Variants in KCNK12 observed in about 807,000 individuals in gnomAD.
KCNK12 encodes the protein potassium channel subfamily K member 12.
KCNK12 carries 6 observed loss-of-function variants against 25.3 expected under a neutral mutation model. That is an observed-to-expected ratio of 0.24 (90% CI 0.13 to 0.47). The LOEUF (loss-of-function observed/expected upper bound fraction) is 0.47, where lower values mean the gene tolerates loss of function less well. Ranked by LOEUF, KCNK12 falls within the 20% of genes least tolerant of loss-of-function variation. KCNK12 has a pLI of 0.99. For missense variants in KCNK12, 444 were observed against 661.7 expected (o/e 0.67, Z 3.61); for synonymous variants, 331 against 311.1 (o/e 1.06, Z -0.67).
At chr2:47,527,203 C>G (rs1216131776) in intron 1 of KCNK12, among the ~76,000 whole-genome samples, 1 of 152,188 alleles carries the variant, frequency 6.6e-6, no homozygotes, top group African/African-American at 2.4e-5. Context: ...GGACCACAGC[C>G]AGGGGAGCAT....
chr2:47,570,242 C>G lies in KCNK12; in HGVS notation c.90G>C (p.Ser30=), dbSNP rs1409926109. 6.9e-6 allele frequency: 10 copies of G among 1,459,022 alleles called. No homozygotes were observed. The highest frequency in any genetic ancestry group is 9.0e-6 in the Non-Finnish European group (10 of 1,105,928). 90.4% of individuals were successfully genotyped at this position (1,459,022 alleles called of 1,614,324 possible). A position where few individuals can be genotyped will look rare whatever the true frequency, so the allele number is the denominator to read the frequency against. ...PSCCCCCCRR[S]HLNEDTGRFV... ...AGCGGCCGGTGTCCTCGTTGAGGTG[C>G]GAACGGCGGCAGCAGCAGCAGCAGC... is the stretch of plus-strand genomic sequence containing the variant. The change falls in exon 1 of 2, where the codon TCG becomes TCC. Residue 30 remains serine (S), a synonymous_variant. Coordinates refer to ENST00000327876, the MANE Select transcript of KCNK12 (RefSeq NM_022055.2).
In KCNK12 at chr2:47,560,256, G is replaced by T. The variant is rs898636690; in HGVS notation, c.391+9685C>A. 3.3e-5 allele frequency among the ~76,000 whole-genome samples: 5 copies of T among 152,220 alleles called. No homozygotes were observed. Among genetic ancestry groups the T allele is most frequent in the Admixed American group, 6.5e-5 (1 of 15,292 alleles). Reference sequence around the variant, plus strand: ...CGGTCCTCTTCAACAAGTTCCCAGAGTTCTGGTGAGCTCTGTGGGAAGCAC... The same window carrying T: ...CGGTCCTCTTCAACAAGTTCCCAGATTTCTGGTGAGCTCTGTGGGAAGCAC... On this transcript the variant is annotated intron_variant, in intron 1 of 1. Coordinates refer to ENST00000327876, the MANE Select transcript of KCNK12 (RefSeq NM_022055.2). This position sits in a 1 kb window ranked among gnomAD's most constrained non-coding sequence, Gnocchi z 4.7.
chr2:47,542,729 G>T (rs556516124), intron 1 of KCNK12, among the ~76,000 whole-genome samples: 2 of 152,224 alleles, frequency 1.3e-5, no homozygotes, highest in Non-Finnish European at 2.9e-5. Context: ...GAGTATCAAA[G>T]CCAGGTGAGA....
intron 1 of KCNK12, among the ~76,000 whole-genome samples, chr2:47,534,524 C>G (rs557053083): frequency 6.4e-4 from 82 of 127,844 alleles, no homozygotes; most frequent in Admixed American, 9.8e-4. Context: ...AACCCCCCCC[C>G]CCGCCCCCAC....
Position 47,525,580 on chromosome 2 carries a change from G to C in KCNK12, c.392-3772C>G, listed in dbSNP as rs1365101258. On this transcript the variant is annotated intron_variant, in intron 1 of 1. Coordinates refer to ENST00000327876, the MANE Select transcript of KCNK12 (RefSeq NM_022055.2). This position sits in a 1 kb window ranked among gnomAD's most constrained non-coding sequence, Gnocchi z 4.1. ...CCCAGGGGCCATCTGTACTTCAAGG[G>C]CTTGCTTCATCAGGAGATGTGAGGG... Among the ~76,000 whole-genome samples, 1 of 152,190 alleles carries C rather than the reference G, an allele frequency of 6.6e-6. No individual in the cohort carries two copies. Among genetic ancestry groups the C allele is most frequent in the African/African-American group, 2.4e-5 (1 of 41,450 alleles).
rs117513034 is a variant in KCNK12, at chr2:47,532,345, C to T, written c.392-10537G>A. On this transcript the variant is annotated intron_variant, in intron 1 of 1. Transcript: ENST00000327876. ...CAATAAATCTGTGCTTTTATTACTGCTTTTTTCTTTTTCTTTTTTTAAAGT... is the reference window on the plus strand; with the variant it reads ...CAATAAATCTGTGCTTTTATTACTGTTTTTTTCTTTTTCTTTTTTTAAAGT... Among the ~76,000 whole-genome samples, 887 of 151,974 alleles carry T rather than the reference C, an allele frequency of 5.8e-3. 23 individuals are homozygous for T. Among genetic ancestry groups the T allele is most frequent in the East Asian group, 0.041 (213 of 5,154 alleles).
At position 47,555,182 on chromosome 2, in the gene KCNK12, T is replaced by C. The variant is rs552691598; in HGVS notation, c.391+14759A>G. ...GAAGCTTAGTGTAGAAGATGGGTTA[T>C]TCATCAATAGATAAATGGGTTTAAA... On this transcript the variant is annotated intron_variant, in intron 1 of 1. Coordinates refer to ENST00000327876, the MANE Select transcript of KCNK12 (RefSeq NM_022055.2). The surrounding 1 kb of genome is among the most constrained non-coding windows in gnomAD (Gnocchi z 4.5). Among the ~76,000 whole-genome samples, 69 of 152,214 alleles carry C rather than the reference T, an allele frequency of 4.5e-4. No individual in the cohort carries two copies. Among genetic ancestry groups the C allele is most frequent in the Non-Finnish European group, 9.3e-4 (63 of 68,036 alleles).
chr2:47,559,162 G>T (rs1421492012), intron 1 of KCNK12, among the ~76,000 whole-genome samples: 2 of 152,184 alleles, frequency 1.3e-5, no homozygotes, highest in Non-Finnish European at 2.9e-5. Context: ...CCAGGGCAGG[G>T]TCAGGATAAG....
Position 47,521,711 on chromosome 2 carries a change from G to A in KCNK12, c.489C>T (p.Leu163=), listed in dbSNP as rs758388034. The A allele has an allele frequency of 4.4e-6, 7 of 1,600,842 alleles. No homozygotes were observed. Among genetic ancestry groups the A allele is most frequent in the Non-Finnish European group, 5.1e-6 (6 of 1,175,606 alleles). Reference sequence around the variant, plus strand: ...GCAGCGAGATGATGCGCTCCAGGAAGAGGTTGAAGAACAGGATGGTCCCAG... The same window carrying A: ...GCAGCGAGATGATGCGCTCCAGGAAAAGGTTGAAGAACAGGATGGTCCCAG... ...GCAGTILFFN[L]FLERIISLLA... is the part of the protein sequence containing the mutation. The change falls in exon 2 of 2, where the codon CTC becomes CTT. Residue 163 remains leucine, a synonymous_variant. Transcript: ENST00000327876.
Position 47,570,026 on chromosome 2 carries a change from G to C in KCNK12, c.306C>G (p.Ala102=), listed in dbSNP as rs1175391629. 3 of 1,422,824 alleles carry C rather than the reference G, an allele frequency of 2.1e-6. No homozygotes were observed. Among genetic ancestry groups the C allele is most frequent in the African/African-American group, 1.5e-5 (1 of 66,362 alleles). The allele number at this position is 1,422,824 out of a possible 1,614,324, so 88.1% of individuals were successfully genotyped here. Residue 102 remains alanine (A), a synonymous_variant, in exon 1 of 2, where the codon GCC becomes GCG. Coordinates refer to ENST00000327876, the MANE Select transcript of KCNK12 (RefSeq NM_022055.2). ...AFLRHYEAAL[A]AGVRADALRP... ...GCAGCGCGTCGGCGCGGACGCCGGC[G>C]GCCAGCGCGGCCTCGTAGTGCCGGA...
At chr2:47,553,519 G>A (rs941493693) in intron 1 of KCNK12, among the ~76,000 whole-genome samples, 1 of 152,116 alleles carries the variant, frequency 6.6e-6, no homozygotes. Flanking sequence ...AATGTTTGAG[G>A]TGAACAGCCA....
chr2:47,569,402 C>T lies in KCNK12; in HGVS notation c.391+539G>A, dbSNP rs1024558737. Among the ~76,000 whole-genome samples, 1 of 151,956 alleles carries T rather than the reference C, an allele frequency of 6.6e-6. No homozygotes were observed. Among genetic ancestry groups the T allele is most frequent in the Non-Finnish European group, 1.5e-5 (1 of 67,992 alleles). On this transcript the variant is annotated intron_variant, in intron 1 of 1. Coordinates refer to ENST00000327876, the MANE Select transcript of KCNK12 (RefSeq NM_022055.2). The surrounding 1 kb of genome is among the most constrained non-coding windows in gnomAD (Gnocchi z 4.1). ...GGGGCGGTATAGACTGTAGGAGAAG[C>T]AAGTGGGAAGGAGATGTAGGGAAAG...
rs1163273885 is a variant in KCNK12 at position 47,560,935 on chromosome 2, G to A, written c.391+9006C>T. Reference sequence around the variant, plus strand: ...GGCTTCTGCCTGGGAAGGGGGTCCCGGTGCTTCCTCCACCCACCAGGGAGT... The same window carrying A: ...GGCTTCTGCCTGGGAAGGGGGTCCCAGTGCTTCCTCCACCCACCAGGGAGT... On this transcript the variant is annotated intron_variant, in intron 1 of 1. Transcript: ENST00000327876. This position sits in a 1 kb window ranked among gnomAD's most constrained non-coding sequence, Gnocchi z 4.7. 1.3e-5 allele frequency among the ~76,000 whole-genome samples: 2 copies of A among 152,054 alleles called. No homozygotes were observed. The highest frequency in any genetic ancestry group is 3.9e-4 in the East Asian group (2 of 5,162).
Position 47,512,064 on chromosome 2 carries a change from G to T in KCNK12, c.*8843C>A, listed in dbSNP as rs1668415025. ...GAGCTCATGAAGTTTCTCATGGGGTGGGGTATGTGTGTTGAAGCTGCACCT... is the reference window on the plus strand; with the variant it reads ...GAGCTCATGAAGTTTCTCATGGGGTTGGGTATGTGTGTTGAAGCTGCACCT... On this transcript the variant is annotated 3_prime_UTR_variant, in exon 2 of 2. Transcript: ENST00000327876. 6.6e-6 allele frequency among the ~76,000 whole-genome samples: 1 copy of T among 152,154 alleles called. No homozygotes were observed.
intron 1 of KCNK12, among the ~76,000 whole-genome samples, chr2:47,568,062 C>T (rs1246251357): frequency 6.6e-6 from 1 of 152,146 alleles, no homozygotes; most frequent in East Asian, 1.9e-4. Context: ...TTTGGATGGA[C>T]TCATGGCCCA....
rs1411392464 is a variant in KCNK12 at position 47,533,987 on chromosome 2, G to T, written c.392-12179C>A. Reference sequence around the variant, plus strand: ...CTCTGCCCCTGTTCTGCTTGTTTTTGTCTTGTTCTCTGGGGGCCTTTGAGG... The same window carrying T: ...CTCTGCCCCTGTTCTGCTTGTTTTTTTCTTGTTCTCTGGGGGCCTTTGAGG... On this transcript the variant is annotated intron_variant, in intron 1 of 1. Coordinates refer to ENST00000327876, the MANE Select transcript of KCNK12 (RefSeq NM_022055.2). The surrounding 1 kb of genome is among the most constrained non-coding windows in gnomAD (Gnocchi z 4.7). 2.0e-5 allele frequency among the ~76,000 whole-genome samples: 3 copies of T among 151,934 alleles called. No homozygotes were observed. The highest frequency in any genetic ancestry group is 4.8e-5 in the African/African-American group (2 of 41,352).
chr2:47,566,154 C>G lies in KCNK12; in HGVS notation c.391+3787G>C, dbSNP rs1430332624. 1.3e-5 allele frequency: 2 copies of G among 152,224 alleles called. No homozygotes were observed. Among genetic ancestry groups the G allele is most frequent in the East Asian group, 3.8e-4 (2 of 5,196 alleles). The allele number at this position is 152,224 out of a possible 1,614,324, so 9.4% of individuals were successfully genotyped here. On this transcript the variant is annotated intron_variant, in intron 1 of 1. Transcript: ENST00000327876. The surrounding 1 kb of genome is among the most constrained non-coding windows in gnomAD (Gnocchi z 4.1). ...AGCCTGAACGGCTGCTGAATAATCA[C>G]AGGCAAAATTTTCCACTGGTACCGC...
Position 47,570,638 on chromosome 2 carries a change from G to A in KCNK12, c.-307C>T, listed in dbSNP as rs1465979812. 5.3e-6 allele frequency: 1 copy of A among 187,020 alleles called. No homozygotes were observed. Among genetic ancestry groups the A allele is most frequent in the African/African-American group, 2.3e-5 (1 of 42,594 alleles). The allele number at this position is 187,020 out of a possible 1,614,324, so 11.6% of individuals were successfully genotyped here. On this transcript the variant is annotated 5_prime_UTR_variant, in exon 1 of 2. Coordinates refer to ENST00000327876, the MANE Select transcript of KCNK12 (RefSeq NM_022055.2). The stretch of plus-strand genomic sequence containing the variant: ...TCCTTACCCGCCGCTCTCGGGCGCG[G>A]GGCTCCGCAGCTAGGCCCCTGCCGC...
In KCNK12 at chr2:47,569,929, C is replaced by T. The variant is rs1417170547; in HGVS notation, c.391+12G>A. 7.3e-7 allele frequency: 1 copy of T among 1,368,696 alleles called. No individual in the cohort carries two copies. The allele number at this position is 1,368,696 out of a possible 1,614,324, so 84.8% of individuals were successfully genotyped here. A position where few individuals can be genotyped will look rare whatever the true frequency, so the allele number is the denominator to read the frequency against. On this transcript the variant is annotated intron_variant, in intron 1 of 1. Transcript: ENST00000327876. The surrounding 1 kb of genome is among the most constrained non-coding windows in gnomAD (Gnocchi z 4.1). The stretch of plus-strand genomic sequence containing the variant: ...ACAGAGAGGAAAGATGCGCGGGGGA[C>T]GCGCCGCTCACCTATGGTTGACACC...
Sources: allele counts gnomAD v4.1 joint callset (sites outside exome capture counted in the v4.1 genomes callset), GRCh38; gene constraint gnomAD v4.1.1; non-coding constraint Gnocchi (gnomAD v3.1); transcripts MANE v1.5; gene names NCBI Gene and HGNC (gene_info 2026-07-23, HGNC 2026-07-21).